The following DLGAP1 variants were observed in gnomAD, a reference collection of about 807,000 sequenced individuals.
DLGAP1 encodes the protein disks large-associated protein 1.
In DLGAP1, 11 loss-of-function variants were observed where a neutral mutation model predicts 90.8. The observed-to-expected ratio is 0.12, with a 90% CI of 0.08 to 0.20. The LOEUF (loss-of-function observed/expected upper bound fraction) is 0.20. Among genes scored for constraint, DLGAP1 ranks in the 10% least tolerant of loss-of-function variants. The probability of loss-of-function intolerance (pLI) is 1.00; values close to 1 mark genes in which losing one functional copy is unlikely to be tolerated. For missense variants in DLGAP1, 1,050 were observed against 1,333.8 expected (o/e 0.79, Z 3.31); for synonymous variants, 558 against 540.7 (o/e 1.03, Z -0.44).
At chr18:3,987,964 T>C (rs1432970232) in intron 3 of DLGAP1, among the ~76,000 whole-genome samples, 1 of 152,106 alleles carries the variant, frequency 6.6e-6, no homozygotes, top group Non-Finnish European at 1.5e-5. Context: ...CGGGGGATGG[T>C]TTCGGGATGA....
intron 4 of DLGAP1, among the ~76,000 whole-genome samples, chr18:3,851,288 A>C (rs1253341606): frequency 6.6e-6 from 1 of 152,150 alleles, no homozygotes; most frequent in African/African-American, 2.4e-5. Flanking sequence ...GGGCCAGGAA[A>C]ATTCTAAAAG....
At chr18:4,027,716 T>C (rs1329685886) in intron 2 of DLGAP1, among the ~76,000 whole-genome samples, 1 of 152,106 alleles carries the variant, frequency 6.6e-6, no homozygotes, top group Non-Finnish European at 1.5e-5. Context: ...TATAAAACTG[T>C]AATTTATTTG....
At chr18:3,976,976 C>T (rs1000141948) in intron 3 of DLGAP1, among the ~76,000 whole-genome samples, 8 of 152,144 alleles carry the variant, frequency 5.3e-5, no homozygotes, top group Non-Finnish European at 7.4e-5. Context: ...GGTTTCAATA[C>T]GATTCTTTAG....
chr18:4,136,097 A>G lies in DLGAP1; in HGVS notation c.-159+15083T>C, dbSNP rs537055201. 2.2e-3 allele frequency among the ~76,000 whole-genome samples: 338 copies of G among 151,552 alleles called. 5 individuals carry two copies. Among genetic ancestry groups the G allele is most frequent in the Non-Finnish European group, 3.3e-3 (221 of 67,934 alleles). ...TGTTCTCATTGTTCAATGTCCACCT[A>G]TGAGTGAGAACATGCGACATACCAC... On this transcript the variant is annotated intron_variant, in intron 2 of 12. Transcript: ENST00000315677.
intron 4 of DLGAP1, chr18:3,874,540 C>G: frequency 1.4e-6 from 2 of 1,461,978 alleles, no homozygotes; most frequent in Non-Finnish European, 9.0e-7. Flanking sequence ...AAAAACAAAA[C>G]AACAACAAAA....
chr18:4,415,516 C>A (rs1315607487), intron 1 of DLGAP1, among the ~76,000 whole-genome samples: 1 of 152,102 alleles, frequency 6.6e-6, no homozygotes, highest in Non-Finnish European at 1.5e-5. Context: ...AACATAATTC[C>A]TCATACTGAA....
At chr18:3,597,084 C>T (rs556040809) in intron 7 of DLGAP1, 105 of 519,834 alleles carry the variant, frequency 2.0e-4, no homozygotes, top group Non-Finnish European at 3.0e-4. Context: ...TTTCACTCCT[C>T]GTTACTCTTT....
chr18:4,388,924 A>G (rs1410998976), intron 1 of DLGAP1, among the ~76,000 whole-genome samples: 4 of 152,178 alleles, frequency 2.6e-5, no homozygotes, highest in Non-Finnish European at 5.9e-5. Flanking sequence ...AGTGTAAAAT[A>G]GTACAGCCAC....
intron 3 of DLGAP1, among the ~76,000 whole-genome samples, chr18:3,935,764 G>C (rs1336536009): frequency 1.3e-5 from 2 of 152,226 alleles, no homozygotes; most frequent in Non-Finnish European, 2.9e-5. Context: ...GGACTGTCAT[G>C]ATCAGAGAAG....
intron 1 of DLGAP1, among the ~76,000 whole-genome samples, chr18:4,174,288 G>A (rs529912188): frequency 6.6e-6 from 1 of 152,152 alleles, no homozygotes; most frequent in Admixed American, 6.5e-5. Context: ...GCCCTGAGCT[G>A]CCTGTGGACA....
intron 7 of DLGAP1, among the ~76,000 whole-genome samples, chr18:3,628,392 G>A (rs928492155): frequency 1.3e-5 from 2 of 151,266 alleles, no homozygotes; most frequent in East Asian, 3.9e-4. Context: ...GTTTGACCAT[G>A]TCCGCCAGGG....
intron 7 of DLGAP1, among the ~76,000 whole-genome samples, chr18:3,679,254 T>C (rs1224799855): frequency 7.0e-6 from 1 of 143,750 alleles, no homozygotes; most frequent in Non-Finnish European, 1.5e-5. Context: ...CTTGTTGACC[T>C]CCATTCTCTT....
At chr18:3,724,600 C>A (rs1301630471) in intron 7 of DLGAP1, among the ~76,000 whole-genome samples, 1 of 151,776 alleles carries the variant, frequency 6.6e-6, no homozygotes, top group Non-Finnish European at 1.5e-5. Context: ...AAAAAATTAT[C>A]CGGGTGTGGT....
chr18:3,691,449 A>G (rs1260573751), intron 7 of DLGAP1, among the ~76,000 whole-genome samples: 1 of 151,822 alleles, frequency 6.6e-6, no homozygotes, highest in African/African-American at 2.4e-5. Flanking sequence ...AAAATTACTC[A>G]GAAAAGTTAA....
chr18:4,316,238 G>A (rs1282102215), intron 1 of DLGAP1, among the ~76,000 whole-genome samples: 29 of 152,190 alleles, frequency 1.9e-4, no homozygotes, highest in Admixed American at 1.8e-3. Context: ...ACATGGCATC[G>A]TGTAGGCTGA....
At chr18:3,593,653 C>T (rs1389248989) in intron 7 of DLGAP1, 1 of 152,144 alleles carries the variant, frequency 6.6e-6, no homozygotes, top group Non-Finnish European at 1.5e-5. Context: ...AGTCATAAGA[C>T]ACGCCAGTTG....
At chr18:3,850,433 T>C (rs1196654214) in intron 4 of DLGAP1, among the ~76,000 whole-genome samples, 1 of 152,118 alleles carries the variant, frequency 6.6e-6, no homozygotes, top group Admixed American at 6.6e-5. Context: ...TAAAATATTA[T>C]AAGATCCATT....
intron 2 of DLGAP1, among the ~76,000 whole-genome samples, chr18:4,026,251 G>A (rs1048882471): frequency 6.6e-6 from 1 of 152,300 alleles, no homozygotes; most frequent in East Asian, 1.9e-4. Context: ...ACCATGCCAG[G>A]GGTCAGTGGG....
At chr18:3,874,360 C>T in intron 4 of DLGAP1, 1 of 1,498,836 alleles carries the variant, frequency 6.7e-7, no homozygotes, top group South Asian at 1.3e-5. Context: ...TTTCCTGTTT[C>T]TACGGCTGAA....
Sources: allele counts gnomAD v4.1 joint callset (sites outside exome capture counted in the v4.1 genomes callset), GRCh38; gene constraint gnomAD v4.1.1; transcripts MANE v1.5; gene names NCBI Gene and HGNC (gene_info 2026-07-23, HGNC 2026-07-21).